Variants in CRX observed in about 807,000 individuals in gnomAD.
The protein encoded by CRX is cone-rod homeobox protein.
A neutral mutation model predicts 13.1 loss-of-function variants in CRX; 5 were observed. That is an observed-to-expected ratio of 0.38 (90% confidence interval 0.20 to 0.80). The LOEUF is 0.80. Among genes scored for constraint, CRX ranks in the 30% least tolerant of loss-of-function variants. The pLI, the probability that CRX is intolerant of heterozygous loss-of-function variation, is 0.43. For synonymous variants in CRX, 179 were observed against 171.1 expected, an observed-to-expected ratio of 1.05 and a Z score of -0.36; for missense variants, 351 against 391.8, an observed-to-expected ratio of 0.90 and a Z score of 0.88.
intron 1 of CRX, among the ~76,000 whole-genome samples, chr19:47,831,896 C>T: frequency 6.6e-6 from 1 of 151,494 alleles, no homozygotes. Flanking sequence ...GCGCCTGCCA[C>T]CACGCCCGGA....
At chr19:47,838,436 T>C (rs1968145682) in intron 3 of CRX, among the ~76,000 whole-genome samples, 1 of 152,144 alleles carries the variant, frequency 6.6e-6, no homozygotes, top group South Asian at 2.1e-4. Context: ...ATATGTATGA[T>C]GTATGTGTGT....
intron 3 of CRX, among the ~76,000 whole-genome samples, chr19:47,838,644 T>C (rs1404238575): frequency 6.6e-6 from 1 of 152,120 alleles, no homozygotes; most frequent in Non-Finnish European, 1.5e-5. Context: ...TATGTATGTA[T>C]GATCAGATAG....
chr19:47,839,849 A>G lies in CRX; in HGVS notation c.782A>G (p.Tyr261Cys), dbSNP rs1193965588. ...CTATCAGGCCAGAGCTATGGCGCCT[A>G]CAGCCCCGTGGATAGCTTGGAATTC... is the stretch of plus-strand genomic sequence containing the variant. ...TSLSGQSYGA[Y>C]SPVDSLEFKD... The change falls in exon 4 of 4, where the codon TAC (tyrosine) becomes TGC (cysteine). Residue 261 changes from tyrosine (Y) to cysteine (C), a missense_variant. By Grantham distance (194) the Tyr-to-Cys change is radical. Around this residue, in one of 3 missense-constraint regions of CRX, gnomAD observed 253 missense variants for 268.3 expected, o/e 0.94. Coordinates refer to ENST00000221996, the MANE Select transcript of CRX (RefSeq NM_000554.6). This position sits in a 1 kb window ranked among gnomAD's most constrained non-coding sequence, Gnocchi z 4.6. 3.1e-6 allele frequency: 5 copies of G among 1,613,958 alleles called. No homozygotes were observed. The highest frequency in any genetic ancestry group is 4.2e-6 in the Non-Finnish European group (5 of 1,180,014).
Position 47,839,582 on chromosome 19 carries a change from C to G in CRX, c.515C>G (p.Pro172Arg), listed in dbSNP as rs749575525. Reference sequence around the variant, plus strand: ...AGCCCAGCCTCAGAGTCCCCTTTGCCTGAGGCGCAGCGGGCTGGGCTGGTG... The same window carrying G: ...AGCCCAGCCTCAGAGTCCCCTTTGCGTGAGGCGCAGCGGGCTGGGCTGGTG... ...IWSPASESPL[P>R]EAQRAGLVAS... is the part of the protein sequence containing the mutation. The change falls in exon 4 of 4, where the codon CCT (proline) becomes CGT (arginine). Residue 172 changes from proline (P) to arginine (R), a missense_variant. Physicochemically the swap from Pro to Arg is moderately radical, Grantham distance 103. Around this residue, in one of 3 missense-constraint regions of CRX, gnomAD observed 253 missense variants for 268.3 expected, o/e 0.94. Transcript: ENST00000221996. This position sits in a 1 kb window ranked among gnomAD's most constrained non-coding sequence, Gnocchi z 4.6. The G allele has an allele frequency of 6.2e-7, 1 of 1,612,538 alleles. No individual in the cohort carries two copies. The highest frequency in any genetic ancestry group is 8.5e-7 in the Non-Finnish European group (1 of 1,179,022).
intron 1 of CRX, among the ~76,000 whole-genome samples, chr19:47,826,227 G>T (rs1967973692): frequency 6.6e-6 from 1 of 152,158 alleles, no homozygotes; most frequent in Non-Finnish European, 1.5e-5. Context: ...AATTACTCTA[G>T]CCTTGAAATC....
At chr19:47,835,028 T>C (rs1485162928) in intron 2 of CRX, among the ~76,000 whole-genome samples, 3 of 149,780 alleles carry the variant, frequency 2.0e-5, no homozygotes, top group Non-Finnish European at 3.0e-5. Flanking sequence ...AGGGTCTCAC[T>C]CTGTTGCCCA....
intron 1 of CRX, among the ~76,000 whole-genome samples, chr19:47,824,807 G>A (rs566316137): frequency 2.6e-5 from 4 of 152,184 alleles, no homozygotes; most frequent in Admixed American, 2.0e-4. Context: ...TTGATCCCCA[G>A]GGCAGAGACA....
At chr19:47,829,619 C>T (rs1204947882) in intron 1 of CRX, among the ~76,000 whole-genome samples, 1 of 152,064 alleles carries the variant, frequency 6.6e-6, no homozygotes, top group African/African-American at 2.4e-5. Context: ...GCGTGAGCAA[C>T]TGCACCTGGC....
chr19:47,840,050 A>T lies in CRX; in HGVS notation c.*83A>T. ...GCTTCCCTGCAGTTTAGATCCCGGGATGGCATTCCTGAGAAAGCAACCCGA... is the reference window on the plus strand; with the variant it reads ...GCTTCCCTGCAGTTTAGATCCCGGGTTGGCATTCCTGAGAAAGCAACCCGA... On this transcript the variant is annotated 3_prime_UTR_variant, in exon 4 of 4. Transcript: ENST00000221996. The T allele has an allele frequency of 6.4e-7, 1 of 1,555,596 alleles. No individual in the cohort carries two copies. Among genetic ancestry groups the T allele is most frequent in the Non-Finnish European group, 8.7e-7 (1 of 1,143,342 alleles).
At position 47,836,269 on chromosome 19, in the gene CRX, C is replaced by T. The variant is rs1437021651; in HGVS notation, c.127C>T (p.Arg43Cys). The T allele has an allele frequency of 3.7e-6, 6 of 1,614,144 alleles. No homozygotes were observed. The highest frequency in any genetic ancestry group is 2.2e-5 in the East Asian group (1 of 44,878). ...CGCCCCCAGGAAGCAGCGGCGGGAG[C>T]GCACCACCTTCACCCGGAGCCAACT... ...PSAPRKQRRE[R>C]TTFTRSQLEE... The change falls in exon 3 of 4, where the codon CGC (arginine) becomes TGC (cysteine). Residue 43 changes from arginine to cysteine, a missense_variant. Physicochemically the swap from Arg to Cys is radical, Grantham distance 180. This residue lies in a region of CRX where 95 missense variants were observed against 106.7 expected (regional missense o/e 0.89). Coordinates refer to ENST00000221996, the MANE Select transcript of CRX (RefSeq NM_000554.6).
intron 1 of CRX, among the ~76,000 whole-genome samples, chr19:47,830,592 G>A (rs112402793): frequency 0.035 from 5,303 of 151,952 alleles, 324 homozygotes; most frequent in African/African-American, 0.12. Flanking sequence ...TCAGGAGTTC[G>A]AGACCAGCTT....
Position 47,840,047 on chromosome 19 carries a change from G to C in CRX, c.*80G>C. 2 of 1,561,140 alleles carry C rather than the reference G, an allele frequency of 1.3e-6. No individual in the cohort carries two copies. The highest frequency in any genetic ancestry group is 1.7e-6 in the Non-Finnish European group (2 of 1,147,664). On this transcript the variant is annotated 3_prime_UTR_variant, in exon 4 of 4. Coordinates refer to ENST00000221996, the MANE Select transcript of CRX (RefSeq NM_000554.6). The stretch of plus-strand genomic sequence containing the variant: ...TCTGCTTCCCTGCAGTTTAGATCCC[G>C]GGATGGCATTCCTGAGAAAGCAACC...
In CRX at chr19:47,839,680, C is replaced by T; in HGVS notation, c.613C>T (p.Pro205Ser). Residue 205 changes from proline to serine, a missense_variant, in exon 4 of 4, where the codon CCC becomes TCC. Pro to Ser is a moderately conservative substitution (Grantham distance 74). Transcript: ENST00000221996. The surrounding 1 kb of genome is among the most constrained non-coding windows in gnomAD (Gnocchi z 4.6). ...CCCGGCCTCCGCTTTCTGCTCTTCCCCCTCCGCCTATGGGTCTCCGAGCTC... is the reference window on the plus strand; with the variant it reads ...CCCGGCCTCCGCTTTCTGCTCTTCCTCCTCCGCCTATGGGTCTCCGAGCTC... The part of the protein sequence containing the change: ...YAPASAFCSS[P>S]SAYGSPSSYF... 1.2e-6 allele frequency: 2 copies of T among 1,613,866 alleles called. No homozygotes were observed. The highest frequency in any genetic ancestry group is 1.7e-6 in the Non-Finnish European group (2 of 1,179,990).
Position 47,839,409 on chromosome 19 carries a change from C to T in CRX, c.342C>T (p.Ala114=), listed in dbSNP as rs765479513. 12 of 1,613,836 alleles carry T rather than the reference C, an allele frequency of 7.4e-6. No individual in the cohort carries two copies. The South Asian group carries it at 1.1e-4, about 15-fold the overall frequency. The change falls in exon 4 of 4, where the codon GCC becomes GCT. Residue 114 remains alanine, a synonymous_variant. Coordinates refer to ENST00000221996, the MANE Select transcript of CRX (RefSeq NM_000554.6). This position sits in a 1 kb window ranked among gnomAD's most constrained non-coding sequence, Gnocchi z 4.6. ...AGCCCCCAGGGGGCCAGGCCAAGGC[C>T]CGGCCTGCCAAGAGGAAGGCGGGCA... ...QQQPPGGQAK[A]RPAKRKAGTS...
intron 3 of CRX, 64 bp downstream of exon 3, chr19:47,836,458 A>G: frequency 1.2e-6 from 2 of 1,602,526 alleles, no homozygotes; most frequent in Non-Finnish European, 8.6e-7. Flanking sequence ...CCTGCCCGGA[A>G]CAAAGAGTGA....
chr19:47,831,253 G>C (rs1032051810), intron 1 of CRX, among the ~76,000 whole-genome samples: 17 of 141,226 alleles, frequency 1.2e-4, no homozygotes, highest in Non-Finnish European at 2.3e-4. Context: ...GTTGCAGTGA[G>C]CCGAGATCGC....
intron 1 of CRX, among the ~76,000 whole-genome samples, chr19:47,825,366 T>G (rs961448668): frequency 6.6e-6 from 1 of 152,092 alleles, no homozygotes; most frequent in Non-Finnish European, 1.5e-5. Flanking sequence ...GCTCAAGCGA[T>G]CTTCCCACCT....
At chr19:47,823,989 C>T (rs968979006) in intron 1 of CRX, among the ~76,000 whole-genome samples, 1 of 152,126 alleles carries the variant, frequency 6.6e-6, no homozygotes, top group African/African-American at 2.4e-5. Flanking sequence ...CACTGTGTGG[C>T]CTTGGACCCC....
rs1236144990 is a variant in CRX, at chr19:47,839,319, G to C, written c.253-1G>C. ...CCCCCATCTCCGCTCTTATCCCCCA[G>C]GTTTGGTTCAAGAACCGGAGGGCTA... On this transcript the variant is annotated splice_acceptor_variant, in intron 3 of 3. Coordinates refer to ENST00000221996, the MANE Select transcript of CRX (RefSeq NM_000554.6). LOFTEE classifies it high-confidence loss of function. This position sits in a 1 kb window ranked among gnomAD's most constrained non-coding sequence, Gnocchi z 4.6. 1 of 1,613,050 alleles carries C rather than the reference G, an allele frequency of 6.2e-7. No individual in the cohort carries two copies.
Sources: allele counts gnomAD v4.1 joint callset (sites outside exome capture counted in the v4.1 genomes callset), GRCh38; gene constraint gnomAD v4.1.1; regional missense constraint gnomAD v4.1.1; non-coding constraint Gnocchi (gnomAD v3.1); transcripts MANE v1.5; gene names NCBI Gene and HGNC (gene_info 2026-07-23, HGNC 2026-07-21).